The following SRGN variants were observed in gnomAD, a reference collection of about 807,000 sequenced individuals.
SRGN encodes the protein hematopoetic proteoglycan core peptide.
SRGN carries 2 observed loss-of-function variants against 9.5 expected under a neutral mutation model. The ratio of observed to expected loss-of-function variants is 0.21; its 90% confidence interval spans 0.09 to 0.66. The LOEUF is 0.66. Ranked by LOEUF, SRGN falls within the 30% of genes least tolerant of loss-of-function variation. The probability of loss-of-function intolerance (pLI) is 0.83; values close to 1 mark genes in which losing one functional copy is unlikely to be tolerated. For missense variants in SRGN, 170 were observed against 192.4 expected (o/e 0.88, Z 0.69); for synonymous variants, 59 against 72.3 (o/e 0.82, Z 0.93).
intron 2 of SRGN, among the ~76,000 whole-genome samples, chr10:69,100,317 G>A (rs1448749565): frequency 6.6e-6 from 1 of 152,150 alleles, no homozygotes; most frequent in Non-Finnish European, 1.5e-5. Context: ...AGGATTGCTT[G>A]ATCCTGAGAG....
At chr10:69,101,975 G>A (rs1840301200) in intron 2 of SRGN, among the ~76,000 whole-genome samples, 1 of 152,068 alleles carries the variant, frequency 6.6e-6, no homozygotes, top group Admixed American at 6.6e-5. Flanking sequence ...CTTGAGTCCG[G>A]GAGGGTGAGG....
intron 1 of SRGN, among the ~76,000 whole-genome samples, chr10:69,091,858 C>T (rs1472642953): frequency 2.5e-4 from 24 of 95,954 alleles, no homozygotes; most frequent in Middle Eastern, 9.3e-3. Flanking sequence ...CCAGCCTGGG[C>T]GATAGACTGA....
intron 2 of SRGN, among the ~76,000 whole-genome samples, chr10:69,101,678 G>A (rs1057036051): frequency 6.6e-6 from 1 of 152,072 alleles, no homozygotes; most frequent in Non-Finnish European, 1.5e-5. Context: ...CTCTGTGGCT[G>A]GACTTCTGTT....
chr10:69,098,303 G>A (rs1394556591), intron 2 of SRGN, among the ~76,000 whole-genome samples: 1 of 152,172 alleles, frequency 6.6e-6, no homozygotes, highest in East Asian at 1.9e-4. Flanking sequence ...ACATTATGCA[G>A]AGTGAAGGAA....
Position 69,104,256 on chromosome 10 carries a change from C to A in SRGN, c.*136C>A. On this transcript the variant is annotated 3_prime_UTR_variant, in exon 3 of 3. Transcript: ENST00000242465. ...GAAAAAGAAGCTTAAGTTTTATCAT[C>A]CTTTTTTTTCTCATGAATTCTTAAA... 2 of 1,191,232 alleles carry A rather than the reference C, an allele frequency of 1.7e-6. No homozygotes were observed. Among genetic ancestry groups the A allele is most frequent in the Middle Eastern group, 4.3e-4 (2 of 4,602 alleles). 73.8% of individuals were successfully genotyped at this position (1,191,232 alleles called of 1,614,324 possible).
At chr10:69,095,295 G>A (rs186790521) in intron 1 of SRGN, among the ~76,000 whole-genome samples, 17 of 140,082 alleles carry the variant, frequency 1.2e-4, no homozygotes, top group African/African-American at 3.2e-4. Flanking sequence ...GCAACAGAGC[G>A]AGACTTCATC....
At chr10:69,087,895 C>T (rs1839970089), upstream of SRGN, among the ~76,000 whole-genome samples, 1 of 151,984 alleles carries the variant, frequency 6.6e-6, no homozygotes, top group Non-Finnish European at 1.5e-5. Context: ...TGGCAAACAA[C>T]AAAACTTTTG....
chr10:69,104,198 G>A lies in SRGN; in HGVS notation c.*78G>A. ...ACCATGGTTATATGATTAATCTTGG[G>A]ACAAAGAATTTTATAGAAATTTTTA... On this transcript the variant is annotated 3_prime_UTR_variant, in exon 3 of 3. Transcript: ENST00000242465. 6.7e-7 allele frequency: 1 copy of A among 1,493,322 alleles called. No homozygotes were observed. Among genetic ancestry groups the A allele is most frequent in the Non-Finnish European group, 8.9e-7 (1 of 1,117,320 alleles). The allele number at this position is 1,493,322 out of a possible 1,614,324, so 92.5% of individuals were successfully genotyped here.
chr10:69,097,450 G>C (rs1840199922), intron 2 of SRGN, among the ~76,000 whole-genome samples: 1 of 56,312 alleles, frequency 1.8e-5, no homozygotes. Flanking sequence ...TTTTTGAGAC[G>C]GAGTCTCAGT....
chr10:69,104,168 T>C lies in SRGN; in HGVS notation c.*48T>C. The C allele has an allele frequency of 6.3e-7, 1 of 1,590,884 alleles. No individual in the cohort carries two copies. Among genetic ancestry groups the C allele is most frequent in the Non-Finnish European group, 8.6e-7 (1 of 1,164,702 alleles). On this transcript the variant is annotated 3_prime_UTR_variant, in exon 3 of 3. Transcript: ENST00000242465. Reference sequence around the variant, plus strand: ...ACCAGGCAATGTAGTTAGCATATTTTATGTACCATGGTTATATGATTAATC... The same window carrying C: ...ACCAGGCAATGTAGTTAGCATATTTCATGTACCATGGTTATATGATTAATC...
intron 2 of SRGN, among the ~76,000 whole-genome samples, chr10:69,097,562 G>A (rs1382794964): frequency 3.3e-5 from 5 of 152,024 alleles, no homozygotes; most frequent in African/African-American, 9.7e-5. Context: ...GAGTAGCTGG[G>A]ACTACAGGCA....
At chr10:69,103,422 T>C (rs1030012579) in intron 2 of SRGN, among the ~76,000 whole-genome samples, 1 of 151,886 alleles carries the variant, frequency 6.6e-6, no homozygotes, top group African/African-American at 2.4e-5. Flanking sequence ...GCACCCCTGT[T>C]GTCCCAGCTA....
intron 2 of SRGN, among the ~76,000 whole-genome samples, chr10:69,103,635 T>G (rs1161698867): frequency 6.6e-6 from 1 of 152,208 alleles, no homozygotes; most frequent in Non-Finnish European, 1.5e-5. Flanking sequence ...TATGCAAGTC[T>G]GCAATAGGTA....
chr10:69,089,485 G>T (rs910313361), intron 1 of SRGN, among the ~76,000 whole-genome samples: 2 of 152,272 alleles, frequency 1.3e-5, no homozygotes, highest in East Asian at 1.9e-4. Flanking sequence ...ACCCCAACCA[G>T]AGATATGTAA....
chr10:69,101,057 A>G (rs1589331386), intron 2 of SRGN, among the ~76,000 whole-genome samples: 1 of 146,356 alleles, frequency 6.8e-6, no homozygotes, highest in Admixed American at 7.0e-5. Flanking sequence ...ATCTCAGCTC[A>G]CTGCCACCTC....
chr10:69,102,295 G>A (rs1452452492), intron 2 of SRGN, among the ~76,000 whole-genome samples: 1 of 152,122 alleles, frequency 6.6e-6, no homozygotes, highest in Non-Finnish European at 1.5e-5. Context: ...CGACACCCCA[G>A]GCTAAAGTAG....
At chr10:69,091,879 CAAAAAAAAAAAA>C (rs1177012248) in intron 1 of SRGN, among the ~76,000 whole-genome samples, 11 of 31,760 alleles carry the variant, frequency 3.5e-4, no homozygotes, top group East Asian at 9.8e-4. Context: ...GACTCTGTCT[CAAAAAAAAAAAA>C]AAAAAAAAAA....
At chr10:69,094,406 A>T (rs1345963844) in intron 1 of SRGN, among the ~76,000 whole-genome samples, 1 of 152,178 alleles carries the variant, frequency 6.6e-6, no homozygotes, top group African/African-American at 2.4e-5. Context: ...ATGTTTTTAG[A>T]GGAATATTGT....
At chr10:69,091,766 G>T (rs1840060162) in intron 1 of SRGN, among the ~76,000 whole-genome samples, 2 of 150,588 alleles carry the variant, frequency 1.3e-5, no homozygotes, top group African/African-American at 4.9e-5. Flanking sequence ...TGTAATCCCA[G>T]CTACTCGAGA....
Sources: gnomAD v4.1 joint callset for allele counts (sites outside exome capture counted in the v4.1 genomes callset) on GRCh38, gnomAD v4.1.1 for gene constraint, MANE v1.5 for transcripts, NCBI Gene and HGNC (gene_info 2026-07-23, HGNC 2026-07-21) for gene names.